E2F7: variants seen among roughly 807,000 people sequenced by gnomAD.
E2F7 encodes transcription factor E2F7.
Under a neutral mutation model 81.1 loss-of-function variants are expected in E2F7, and 35 were observed. That is an observed-to-expected ratio of 0.43 (90% CI 0.33 to 0.57). E2F7 has a LOEUF of 0.57. E2F7 is among the 20% of genes least tolerant of loss of function. E2F7 has a pLI of 0.04. For missense variants in E2F7, 961 were observed against 1,093.7 expected (o/e 0.88, Z 1.71); for synonymous variants, 416 against 416.2 (o/e 1.00, Z 0.01).
intron 7 of E2F7, among the ~76,000 whole-genome samples, chr12:77,037,362 G>A (rs796311602): frequency 1.3e-4 from 20 of 152,150 alleles, no homozygotes; most frequent in African/African-American, 3.9e-4. Flanking sequence ...AGGCTGAGGC[G>A]GGTGGATCAC....
intron 7 of E2F7, among the ~76,000 whole-genome samples, chr12:77,034,365 T>G (rs1221845897): frequency 6.6e-6 from 1 of 152,246 alleles, no homozygotes; most frequent in Non-Finnish European, 1.5e-5. Flanking sequence ...ATGCTCTATT[T>G]GAGCAGAGAG....
chr12:77,033,203 G>T, intron 8 of E2F7, 81 bp from the exon 9 acceptor site: 2 of 1,271,784 alleles, frequency 1.6e-6, no homozygotes, highest in South Asian at 1.3e-5. Flanking sequence ...ATCTAGCTGA[G>T]AATTCATTAT....
chr12:77,054,609 A>G (rs1230384166), intron 3 of E2F7, among the ~76,000 whole-genome samples: 1 of 152,156 alleles, frequency 6.6e-6, no homozygotes, highest in Non-Finnish European at 1.5e-5. Flanking sequence ...TGATCGCTAA[A>G]ATCTCTCTAT....
chr12:77,050,485 C>A (rs1041633169), intron 4 of E2F7, 91 bp downstream of exon 4: 3 of 1,344,240 alleles, frequency 2.2e-6, no homozygotes, highest in Admixed American at 1.9e-5. Context: ...GATTGAGGGG[C>A]CCACTCTACT....
At chr12:77,063,948 T>C (rs1955097964) in intron 2 of E2F7, among the ~76,000 whole-genome samples, 1 of 152,238 alleles carries the variant, frequency 6.6e-6, no homozygotes, top group Admixed American at 6.5e-5. Context: ...TTTGTAATGT[T>C]CTTGAAAACA....
At chr12:77,025,463 GC>G (rs1954749454) in intron 12 of E2F7, 94 bp downstream of exon 12, 1 of 1,399,340 alleles carries the variant, frequency 7.1e-7, no homozygotes, top group African/African-American at 1.4e-5. Context: ...CTGACCTAGT[GC>G]CTCTGTCCGG....
intron 7 of E2F7, among the ~76,000 whole-genome samples, chr12:77,037,348 T>C (rs779312157): frequency 1.3e-5 from 2 of 152,148 alleles, no homozygotes; most frequent in African/African-American, 2.4e-5. Flanking sequence ...CCTAACACTT[T>C]GGAAGGCTGA....
In E2F7 at chr12:77,021,469, AATAAG is replaced by A. The variant is rs565188177; in HGVS notation, c.*2541_*2545del. Reference sequence around the variant, plus strand: ...AATACCTACATACAACTAGCAGTGCAATAAGATAAGCAGAAAGCAGCTTTACGTTA... The same window carrying A: ...AATACCTACATACAACTAGCAGTGCAATAAGCAGAAAGCAGCTTTACGTTA... On this transcript the variant is annotated 3_prime_UTR_variant, in exon 13 of 13. Coordinates refer to ENST00000322886, the MANE Select transcript of E2F7 (RefSeq NM_203394.3). 4.2e-3 allele frequency: 647 copies of A among 152,768 alleles called. 7 individuals are homozygous for A. Among genetic ancestry groups the A allele is most frequent in the African/African-American group, 0.015 (617 of 41,572 alleles). 9.5% of individuals were successfully genotyped at this position (152,768 alleles called of 1,614,324 possible). A position where few individuals can be genotyped will look rare whatever the true frequency, so the allele number is the denominator to read the frequency against.
intron 10 of E2F7, 123 bp downstream of exon 10, chr12:77,029,708 C>T: frequency 6.9e-7 from 1 of 1,457,808 alleles, no homozygotes; most frequent in Non-Finnish European, 9.2e-7. Flanking sequence ...CTTAATTATG[C>T]AAGTGACATG....
chr12:77,052,863 G>A (rs1242754949), intron 3 of E2F7, among the ~76,000 whole-genome samples: 1 of 151,924 alleles, frequency 6.6e-6, no homozygotes, highest in Non-Finnish European at 1.5e-5. Context: ...ACACAAACAG[G>A]CATTTCACAG....
rs747927024 is a variant in E2F7 at position 77,046,331 on chromosome 12, G to A, written c.539-3C>T. On this transcript the variant is annotated splice_polypyrimidine_tract_variant and splice_region_variant and intron_variant, in intron 4 of 12. Transcript: ENST00000322886. ...ATAGATGCGTCTCCTTTCCACACCT[G>A]TTTGAAAAACAGAGGCTGATGGACA... 17 of 1,606,658 alleles carry A rather than the reference G, an allele frequency of 1.1e-5. No individual in the cohort carries two copies. The African/African-American group carries it at 1.5e-4, about 14-fold the overall frequency.
Position 77,046,153 on chromosome 12 carries a change from G to C in E2F7, c.714C>G (p.Leu238=), listed in dbSNP as rs753320183. The C allele has an allele frequency of 6.2e-7, 1 of 1,614,144 alleles. No homozygotes were observed. Among genetic ancestry groups the C allele is most frequent in the East Asian group, 2.2e-5 (1 of 44,882 alleles). ...CTATCAGGTCCAGCTCTTTCTGTTG[G>C]AGGTAGGCCATTTGCTCTTCATATT... ...EQKYEEQMAY[L]QQKELDLIDY... Residue 238 remains leucine, a synonymous_variant, in exon 5 of 13, where the codon CTC becomes CTG. Coordinates refer to ENST00000322886, the MANE Select transcript of E2F7 (RefSeq NM_203394.3).
At chr12:77,046,846 G>A (rs370044559) in intron 4 of E2F7, among the ~76,000 whole-genome samples, 5 of 152,124 alleles carry the variant, frequency 3.3e-5, no homozygotes, top group African/African-American at 1.2e-4. Context: ...CCTTGATAAC[G>A]CTCTCAATGG....
At chr12:77,047,971 G>A (rs1157317546) in intron 4 of E2F7, among the ~76,000 whole-genome samples, 1 of 152,140 alleles carries the variant, frequency 6.6e-6, no homozygotes, top group East Asian at 1.9e-4. Flanking sequence ...CATATGCCCG[G>A]CTGTTTTGTT....
intron 4 of E2F7, among the ~76,000 whole-genome samples, chr12:77,048,860 C>T (rs1226657272): frequency 2.6e-5 from 4 of 152,206 alleles, no homozygotes; most frequent in Non-Finnish European, 4.4e-5. Context: ...GGCCCTCCAA[C>T]ATCTAATCCT....
Position 77,033,050 on chromosome 12 carries a change from T to C in E2F7, c.1382A>G (p.Gln461Arg). The change falls in exon 9 of 13, where the codon CAG becomes CGG. Residue 461 changes from glutamine to arginine, a missense_variant and splice_region_variant. Gln to Arg is a conservative substitution (Grantham distance 43). Coordinates refer to ENST00000322886, the MANE Select transcript of E2F7 (RefSeq NM_203394.3). ...CTCTGAGCTTTTATAGACTACTTACTGTGAATTGTCTTCTATTTTCTGTCT... is the reference window on the plus strand; with the variant it reads ...CTCTGAGCTTTTATAGACTACTTACCGTGAATTGTCTTCTATTTTCTGTCT... Reference protein sequence around the residue: ...VYRQKIEDNSQGKAFASKRVV... With the variant: ...VYRQKIEDNSRGKAFASKRVV... 1.2e-6 allele frequency: 2 copies of C among 1,612,982 alleles called. No homozygotes were observed. Among genetic ancestry groups the C allele is most frequent in the Non-Finnish European group, 1.7e-6 (2 of 1,179,492 alleles).
At chr12:77,055,341 G>C (rs1955023057) in intron 3 of E2F7, among the ~76,000 whole-genome samples, 1 of 150,568 alleles carries the variant, frequency 6.6e-6, no homozygotes, top group Non-Finnish European at 1.5e-5. Flanking sequence ...TTGATGGGAA[G>C]TGAAAATAAT....
chr12:77,042,719 G>A (rs1021588788), intron 7 of E2F7, among the ~76,000 whole-genome samples: 1 of 152,008 alleles, frequency 6.6e-6, no homozygotes, highest in African/African-American at 2.4e-5. Context: ...GAGAAACCAC[G>A]TTTTACTCTG....
rs1457877087 is a variant in E2F7 at position 77,030,182 on chromosome 12, T to A, written c.1533A>T (p.Ala511=). ...VFSVAQTDLQ[A]FSMQNGLNGQ... is the part of the protein sequence containing the mutation. The stretch of plus-strand genomic sequence containing the variant: ...CATTCAGACCGTTCTGCATGGAGAA[T>A]GCCTGCAGGTCCGTCTGAGCAACAG... Residue 511 remains alanine, a synonymous_variant, in exon 10 of 13, where the codon GCA becomes GCT. Transcript: ENST00000322886. The A allele has an allele frequency of 1.9e-6, 3 of 1,614,190 alleles. No homozygotes were observed. Among genetic ancestry groups the A allele is most frequent in the East Asian group, 4.5e-5 (2 of 44,890 alleles).
Sources: allele counts gnomAD v4.1 joint callset (sites outside exome capture counted in the v4.1 genomes callset), GRCh38; gene constraint gnomAD v4.1.1; transcripts MANE v1.5; gene names NCBI Gene and HGNC (gene_info 2026-07-23, HGNC 2026-07-21).